The following MDGA1 variants were observed in gnomAD, a reference collection of about 807,000 sequenced individuals.
The protein encoded by MDGA1 is MAM domain-containing glycosylphosphatidylinositol anchor protein 1.
Under a neutral mutation model 101.5 loss-of-function variants are expected in MDGA1, and 54 were observed. That is an observed-to-expected ratio of 0.53 (90% CI 0.43 to 0.67). The LOEUF is 0.67. Among genes scored for constraint, MDGA1 ranks in the 30% least tolerant of loss-of-function variants. MDGA1 has a pLI of 0.00. For missense variants in MDGA1, 1,083 were observed against 1,323.8 expected (o/e 0.82, Z 2.82); for synonymous variants, 533 against 558.3 (o/e 0.95, Z 0.64).
In MDGA1 at chr6:37,652,249, G is replaced by A. The variant is rs2273108; in HGVS notation, c.1074C>T (p.His358=). The A allele has an allele frequency of 3.3e-5, 54 of 1,613,982 alleles. 1 individual carries two copies. In the South Asian group the frequency reaches 3.4e-4, roughly 10 times the overall value. ...CCTTCTCCTGGGGCACTGCATCCAC[G>A]TGGCACGATAGCTTCAGGTCCTGGC... ...QLGQDLKLSC[H]VDAVPQEKVT... The change falls in exon 7 of 17, where the codon CAC becomes CAT. Residue 358 remains histidine, a synonymous_variant. Coordinates refer to ENST00000434837, the MANE Select transcript of MDGA1 (RefSeq NM_153487.4). This position sits in a 1 kb window ranked among gnomAD's most constrained non-coding sequence, Gnocchi z 4.3.
At chr6:37,656,040 T>A in intron 3 of MDGA1, 144 bp from the exon 4 acceptor site, 1 of 641,788 alleles carries the variant, frequency 1.6e-6, no homozygotes, top group Non-Finnish European at 2.6e-6. Flanking sequence ...CCTGCAAGCT[T>A]AACTAACCTG....
In MDGA1 at chr6:37,652,543, G is replaced by T. The variant is rs1388630978; in HGVS notation, c.983-203C>A. Among the ~76,000 whole-genome samples the T allele has an allele frequency of 6.6e-6, 1 of 152,204 alleles. No individual in the cohort carries two copies. Among genetic ancestry groups the T allele is most frequent in the African/African-American group, 2.4e-5 (1 of 41,452 alleles). On this transcript the variant is annotated intron_variant, in intron 6 of 16. Coordinates refer to ENST00000434837, the MANE Select transcript of MDGA1 (RefSeq NM_153487.4). The surrounding 1 kb of genome is among the most constrained non-coding windows in gnomAD (Gnocchi z 4.3). ...AGATGTGCTTTAAAAGTTCAAAAAAGGTCACTGCAGAAAAGCAGTTTTGGT... is the reference window on the plus strand; with the variant it reads ...AGATGTGCTTTAAAAGTTCAAAAAATGTCACTGCAGAAAAGCAGTTTTGGT...
chr6:37,675,663 G>A (rs1348864492), intron 1 of MDGA1, among the ~76,000 whole-genome samples: 2 of 152,178 alleles, frequency 1.3e-5, no homozygotes, highest in Non-Finnish European at 2.9e-5. Context: ...ACCCATCAGG[G>A]CAGAGAATGA....
At chr6:37,649,314 G>A (rs1187274704) in intron 8 of MDGA1, 48 bp from the exon 9 acceptor site, 4 of 1,433,082 alleles carry the variant, frequency 2.8e-6, no homozygotes, top group Non-Finnish European at 3.6e-6. Flanking sequence ...AGCGAGTGGG[G>A]CCTGAGGAGT....
At chr6:37,641,268 G>A (rs1764070488) in intron 14 of MDGA1, among the ~76,000 whole-genome samples, 1 of 152,206 alleles carries the variant, frequency 6.6e-6, no homozygotes, top group African/African-American at 2.4e-5. Flanking sequence ...TCTATGGGAA[G>A]TGCCATGGAA....
In MDGA1 at chr6:37,632,255, T is replaced by C. The variant is rs1763834557; in HGVS notation, c.*5113A>G. On this transcript the variant is annotated 3_prime_UTR_variant, in exon 17 of 17. Coordinates refer to ENST00000434837, the MANE Select transcript of MDGA1 (RefSeq NM_153487.4). ...ATATGTCTTGGTGTCATTATTAGCT[T>C]ACTGTCCATCTCTCCCATTAAACAG... 6.6e-6 allele frequency: 1 copy of C among 152,254 alleles called. No homozygotes were observed. The highest frequency in any genetic ancestry group is 1.5e-5 in the Non-Finnish European group (1 of 68,070). The allele number at this position is 152,254 out of a possible 1,614,324, so 9.4% of individuals were successfully genotyped here. A position where few individuals can be genotyped will look rare whatever the true frequency, so the allele number is the denominator to read the frequency against.
chr6:37,697,028 C>T lies in MDGA1; in HGVS notation c.-217G>A, dbSNP rs1014918347. ...GCTGCCCGCGTGGGGACGCAGGGGG[C>T]GCTGGCCCAGCCCCGGGTGCCTCGG... On this transcript the variant is annotated 5_prime_UTR_variant, in exon 1 of 17. Transcript: ENST00000434837. The T allele has an allele frequency of 3.4e-5, 18 of 521,812 alleles. No homozygotes were observed. The highest frequency in any genetic ancestry group is 5.1e-5 in the Non-Finnish European group (15 of 296,186). The allele number at this position is 521,812 out of a possible 1,614,324, so 32.3% of individuals were successfully genotyped here.
intron 1 of MDGA1, among the ~76,000 whole-genome samples, chr6:37,677,540 C>T (rs1762006756): frequency 6.6e-6 from 1 of 152,086 alleles, no homozygotes; most frequent in South Asian, 2.1e-4. Context: ...CAGTCAATAG[C>T]AGGAGACGTG....
chr6:37,650,117 T>C lies in MDGA1; in HGVS notation c.1601A>G (p.Asn534Ser), dbSNP rs747716336. ...TGGCGTGGTGGACTCACACTGCACGTTCAGCTGCACCTGGGCCTCACGGGG... is the reference window on the plus strand; with the variant it reads ...TGGCGTGGTGGACTCACACTGCACGCTCAGCTGCACCTGGGCCTCACGGGG... The part of the protein sequence containing the change: ...VRPREAQVQL[N>S]VQFPPEVEPS... Residue 534 changes from asparagine to serine, a missense_variant, in exon 8 of 17, where the codon AAC (asparagine) becomes AGC (serine). Physicochemically the swap from Asn to Ser is conservative, Grantham distance 46. Coordinates refer to ENST00000434837, the MANE Select transcript of MDGA1 (RefSeq NM_153487.4). The C allele has an allele frequency of 1.2e-5, 19 of 1,607,776 alleles. No homozygotes were observed. Among genetic ancestry groups the C allele is most frequent in the Admixed American group, 1.7e-5 (1 of 59,886 alleles).
chr6:37,652,958 T>A lies in MDGA1; in HGVS notation c.983-618A>T, dbSNP rs1407443843. Among the ~76,000 whole-genome samples the A allele has an allele frequency of 1.3e-5, 2 of 152,258 alleles. No individual in the cohort carries two copies. The highest frequency in any genetic ancestry group is 6.5e-5 in the Admixed American group (1 of 15,288). On this transcript the variant is annotated intron_variant, in intron 6 of 16. Transcript: ENST00000434837. The surrounding 1 kb of genome is among the most constrained non-coding windows in gnomAD (Gnocchi z 4.3). ...CTTTGTAATAAGTGAGTGTAATTTT[T>A]GTAATAAGAGACCAATACGATCACT...
intron 1 of MDGA1, among the ~76,000 whole-genome samples, chr6:37,687,918 T>C (rs1762229728): frequency 6.6e-6 from 1 of 152,156 alleles, no homozygotes; most frequent in Non-Finnish European, 1.5e-5. Flanking sequence ...AAGCCAAACC[T>C]AGAGAACCAA....
At chr6:37,682,461 G>C (rs1350220129) in intron 1 of MDGA1, among the ~76,000 whole-genome samples, 1 of 152,196 alleles carries the variant, frequency 6.6e-6, no homozygotes, top group South Asian at 2.1e-4. Context: ...TCCAGCCTGG[G>C]TGACAGAGAG....
At position 37,643,886 on chromosome 6, in the gene MDGA1, A is replaced by G; in HGVS notation, c.2459T>C (p.Leu820Ser). Residue 820 changes from leucine (L) to serine (S), a missense_variant, in exon 14 of 17, where the codon TTA becomes TCA. Transcript: ENST00000434837. ...RPRELGDRAR[L>S]VSPLYNASAK... ...GCTGGCATTGTAGAGGGGACTCACTAACCTTGCACGGTCCCCCAGCTCCCG... is the reference window on the plus strand; with the variant it reads ...GCTGGCATTGTAGAGGGGACTCACTGACCTTGCACGGTCCCCCAGCTCCCG... The G allele has an allele frequency of 6.2e-7, 1 of 1,613,926 alleles. No individual in the cohort carries two copies. Among genetic ancestry groups the G allele is most frequent in the Non-Finnish European group, 8.5e-7 (1 of 1,179,856 alleles).
In MDGA1 at chr6:37,696,842, C is replaced by A; in HGVS notation, c.-31G>T. ...CGGCCGGTGCTTCATCCCCGCGAGG[C>A]GGCGCAGCCCGAGAGGCGGCGGGGG... On this transcript the variant is annotated 5_prime_UTR_variant, in exon 1 of 17. Coordinates refer to ENST00000434837, the MANE Select transcript of MDGA1 (RefSeq NM_153487.4). This position sits in a 1 kb window ranked among gnomAD's most constrained non-coding sequence, Gnocchi z 5.6. The A allele has an allele frequency of 6.5e-7, 1 of 1,550,202 alleles. No individual in the cohort carries two copies. Among genetic ancestry groups the A allele is most frequent in the African/African-American group, 1.4e-5 (1 of 73,348 alleles).
chr6:37,687,501 C>T (rs1023893115), intron 1 of MDGA1, among the ~76,000 whole-genome samples: 10 of 151,912 alleles, frequency 6.6e-5, no homozygotes, highest in East Asian at 5.8e-4. Context: ...CCCAGGAGAT[C>T]GAGGCTGCAG....
chr6:37,681,802 G>A (rs1285717115), intron 1 of MDGA1, among the ~76,000 whole-genome samples: 1 of 152,096 alleles, frequency 6.6e-6, no homozygotes, highest in Non-Finnish European at 1.5e-5. Flanking sequence ...GGGACAATGA[G>A]GGCATGAAGC....
chr6:37,659,259 C>T (rs931394256), intron 2 of MDGA1, among the ~76,000 whole-genome samples: 12 of 152,158 alleles, frequency 7.9e-5, no homozygotes, highest in African/African-American at 2.9e-4. Flanking sequence ...TGAGACAGTA[C>T]ATGTTGTTTG....
In MDGA1 at chr6:37,668,466, G is replaced by C. The variant is rs965147724; in HGVS notation, c.68-4360C>G. On this transcript the variant is annotated intron_variant, in intron 1 of 16. Coordinates refer to ENST00000434837, the MANE Select transcript of MDGA1 (RefSeq NM_153487.4). ...AACAATAAGTACAAAGATATTCACA[G>C]TGGCTTTATTTGCAATTGCTAAAAA... is the stretch of plus-strand genomic sequence containing the variant. 2.6e-5 allele frequency among the ~76,000 whole-genome samples: 4 copies of C among 152,118 alleles called. No homozygotes were observed. In the East Asian group the frequency reaches 7.7e-4, roughly 29 times the overall value.
Position 37,638,939 on chromosome 6 carries a change from C to T in MDGA1, c.2537-272G>A, listed in dbSNP as rs1275855218. ...TGCCCTGCTAATCAGCTAATCTCCC[C>T]AACCCCAAACACACACATGCACACA... On this transcript the variant is annotated intron_variant, in intron 14 of 16. Coordinates refer to ENST00000434837, the MANE Select transcript of MDGA1 (RefSeq NM_153487.4). The surrounding 1 kb of genome is among the most constrained non-coding windows in gnomAD (Gnocchi z 4.8). 3 of 398,930 alleles carry T rather than the reference C, an allele frequency of 7.5e-6. No individual in the cohort carries two copies. The highest frequency in any genetic ancestry group is 4.1e-5 in the African/African-American group (2 of 48,774). The allele number at this position is 398,930 out of a possible 1,614,324, so 24.7% of individuals were successfully genotyped here.
Sources: allele counts gnomAD v4.1 joint callset (sites outside exome capture counted in the v4.1 genomes callset), GRCh38; gene constraint gnomAD v4.1.1; non-coding constraint Gnocchi (gnomAD v3.1); transcripts MANE v1.5; gene names NCBI Gene and HGNC (gene_info 2026-07-23, HGNC 2026-07-21).